The following ANKRD30B variants were observed in gnomAD, a reference collection of about 807,000 sequenced individuals.
ANKRD30B encodes the protein ankyrin repeat domain 30B, also known as ankyrin repeat domain-containing protein 30B.
Under a neutral mutation model 202.2 loss-of-function variants are expected in ANKRD30B, and 144 were observed. The observed-to-expected ratio is 0.71, with a 90% CI of 0.62 to 0.82. The LOEUF (loss-of-function observed/expected upper bound fraction) is 0.82. ANKRD30B is among the 40% of genes least tolerant of loss of function. ANKRD30B has a pLI of 0.00. For missense variants in ANKRD30B, 1,487 were observed against 1,669.1 expected (o/e 0.89, Z 1.90); for synonymous variants, 508 against 561.3 (o/e 0.91, Z 1.34).
At chr18:14,898,945 TTAAAATAA>T in the ANKRD30B span, among the ~76,000 whole-genome samples, 13 of 152,330 alleles carry the variant, frequency 8.5e-5, no homozygotes, top group African/African-American at 3.1e-4. Flanking sequence ...CATTATTTAC[TTAAAATAA>T]GTATCTCAGC....
intron 41 of ANKRD30B, among the ~76,000 whole-genome samples, chr18:14,850,924 T>G (rs1350647181): frequency 6.6e-6 from 1 of 151,928 alleles, no homozygotes; most frequent in Non-Finnish European, 1.5e-5. Context: ...ATTATATTTT[T>G]AATCTTTTCC....
chr18:14,827,508 C>T (rs1970716156), intron 32 of ANKRD30B, among the ~76,000 whole-genome samples: 3 of 152,122 alleles, frequency 2.0e-5, no homozygotes, highest in African/African-American at 7.2e-5. Flanking sequence ...AAATAGAGGA[C>T]AGTCAGCTGT....
intron 30 of ANKRD30B, among the ~76,000 whole-genome samples, chr18:14,815,738 T>C (rs1198874460): frequency 6.6e-6 from 1 of 152,196 alleles, no homozygotes; most frequent in East Asian, 1.9e-4. Flanking sequence ...GAAAATGTTA[T>C]TAATATTTAA....
chr18:14,767,955 C>A (rs72871984), intron 7 of ANKRD30B, among the ~76,000 whole-genome samples: 4,345 of 152,188 alleles, frequency 0.029, 90 homozygotes, highest in Non-Finnish European at 0.047. Context: ...TGTTTTCTGG[C>A]GTACAACTCA....
At chr18:14,817,894 A>G (rs1004277110) in intron 30 of ANKRD30B, among the ~76,000 whole-genome samples, 4 of 152,346 alleles carry the variant, frequency 2.6e-5, no homozygotes, top group African/African-American at 4.8e-5. Context: ...CCTACCTGCA[A>G]TATGGTCATG....
At chr18:14,839,309 G>A (rs1035052820) in intron 36 of ANKRD30B, among the ~76,000 whole-genome samples, 10 of 152,140 alleles carry the variant, frequency 6.6e-5, no homozygotes, top group African/African-American at 2.4e-4. Flanking sequence ...GGAATTCCAT[G>A]GTCAGAGTAG....
intron 8 of ANKRD30B, among the ~76,000 whole-genome samples, chr18:14,770,501 T>C (rs1966923074): frequency 6.6e-6 from 1 of 151,832 alleles, no homozygotes; most frequent in Non-Finnish European, 1.5e-5. Flanking sequence ...ATTAAACAAA[T>C]GGAAAAGGAT....
downstream of ANKRD30B, among the ~76,000 whole-genome samples, chr18:14,855,424 G>A (rs8098298): frequency 1.3e-5 from 2 of 152,312 alleles, no homozygotes; most frequent in East Asian, 1.9e-4. Context: ...CTGTCTCTTC[G>A]AAGCTGTTGG....
At chr18:14,794,625 C>A (rs1343030441) in intron 16 of ANKRD30B, among the ~76,000 whole-genome samples, 2 of 152,178 alleles carry the variant, frequency 1.3e-5, no homozygotes, top group African/African-American at 2.4e-5. Context: ...CGAGGACGAT[C>A]TTCTCATCGT....
At chr18:14,883,131 A>G in the ANKRD30B span, among the ~76,000 whole-genome samples, 3 of 152,094 alleles carry the variant, frequency 2.0e-5, no homozygotes, top group African/African-American at 7.2e-5. Context: ...TGTTTAAAGA[A>G]GAGACAAAGA....
chr18:14,919,221 G>C, the ANKRD30B span, among the ~76,000 whole-genome samples: 1 of 152,228 alleles, frequency 6.6e-6, no homozygotes, highest in Admixed American at 6.5e-5. Flanking sequence ...CAGATATAAG[G>C]AGGGCCAAAA....
chr18:14,849,300 A>T (rs999635222), intron 40 of ANKRD30B, among the ~76,000 whole-genome samples: 10 of 151,720 alleles, frequency 6.6e-5, no homozygotes, highest in African/African-American at 2.4e-4. Context: ...CAATATAGAA[A>T]TATTTAGTTA....
intron 34 of ANKRD30B, 36 bp from the exon 35 acceptor site, chr18:14,837,175 T>A: frequency 7.0e-7 from 1 of 1,421,956 alleles, no homozygotes; most frequent in Non-Finnish European, 9.5e-7. Flanking sequence ...TGAAGTTTTT[T>A]TTTTGTGTTT....
the ANKRD30B span, among the ~76,000 whole-genome samples, chr18:14,930,962 G>GA: frequency 2.6e-5 from 4 of 152,236 alleles, no homozygotes; most frequent in Non-Finnish European, 5.9e-5. Flanking sequence ...GAAGTCATTG[G>GA]AAATACAGAC....
At chr18:14,917,451 A>G in the ANKRD30B span, among the ~76,000 whole-genome samples, 1 of 151,890 alleles carries the variant, frequency 6.6e-6, no homozygotes, top group Non-Finnish European at 1.5e-5. Context: ...CCTCAGTCCC[A>G]GGTTTCACCC....
chr18:14,915,896 T>C, the ANKRD30B span, among the ~76,000 whole-genome samples: 1 of 152,210 alleles, frequency 6.6e-6, no homozygotes, highest in East Asian at 1.9e-4. Flanking sequence ...AAAAACATGG[T>C]ATAACAACTA....
intron 9 of ANKRD30B, among the ~76,000 whole-genome samples, chr18:14,773,055 T>A (rs1222074443): frequency 6.6e-6 from 1 of 152,242 alleles, no homozygotes; most frequent in African/African-American, 2.4e-5. Context: ...ATTAAAAGTA[T>A]GCTTTAAATT....
chr18:14,810,218 A>T, intron 28 of ANKRD30B, 38 bp downstream of exon 28: 1 of 1,205,624 alleles, frequency 8.3e-7, no homozygotes, highest in Non-Finnish European at 1.1e-6. Context: ...TGGAATTAAG[A>T]ATATTAAACT....
In ANKRD30B at chr18:14,769,761, AC is replaced by A. The variant is rs1268584687; in HGVS notation, c.1256+389del. ...TCAATTCACAAAGTTACATTTTGTT[AC>A]AGGTTAACTCTTTTTAGAGTTTTCT... is the stretch of plus-strand genomic sequence containing the variant. On this transcript the variant is annotated intron_variant, in intron 8 of 43. Transcript: ENST00000690538. 2.0e-5 allele frequency among the ~76,000 whole-genome samples: 3 copies of A among 152,330 alleles called. No homozygotes were observed. In the East Asian group the frequency reaches 5.8e-4, roughly 29 times the overall value.
Sources: allele counts gnomAD v4.1 joint callset (sites outside exome capture counted in the v4.1 genomes callset), GRCh38; gene constraint gnomAD v4.1.1; transcripts MANE v1.5; gene names NCBI Gene and HGNC (gene_info 2026-07-23, HGNC 2026-07-21).